The following OR6B3 variants were observed in gnomAD, a reference collection of about 807,000 sequenced individuals.
The protein encoded by OR6B3 is olfactory receptor family 6 subfamily B member 3.
For synonymous variants in OR6B3, 148 were observed against 187.8 expected (o/e 0.79, Z 1.73); for missense variants, 315 against 427.4 (o/e 0.74, Z 2.32).
chr2:240,045,331 C>A lies in OR6B3; in HGVS notation c.742G>T (p.Val248Phe), dbSNP rs754264620. The change falls in exon 2 of 2, where the codon GTC becomes TTC. Residue 248 changes from valine (V) to phenylalanine (F), a missense_variant. Val to Phe is a conservative substitution (Grantham distance 50, BLOSUM62 -1). Coordinates refer to ENST00000641019, the Ensembl canonical transcript of OR6B3. Reference sequence around the variant, plus strand: ...AGCAAGGCTGTATAGAAGACGGTGACCACGGTGAGGTGAGAGGCGCAGGTG... The same window carrying A: ...AGCAAGGCTGTATAGAAGACGGTGAACACGGTGAGGTGAGAGGCGCAGGTG... 10 of 1,614,080 alleles carry A rather than the reference C, an allele frequency of 6.2e-6. No individual in the cohort carries two copies. Among genetic ancestry groups the A allele is most frequent in the South Asian group, 2.2e-5 (2 of 91,082 alleles).
At chr2:240,051,450 A>G (rs1157758427), upstream of OR6B3, among the ~76,000 whole-genome samples, 1 of 152,234 alleles carries the variant, frequency 6.6e-6, no homozygotes, top group Non-Finnish European at 1.5e-5. Context: ...AGGCCCAGAT[A>G]CTTTGCCTGT....
chr2:240,053,230 T>C, the OR6B3 span, among the ~76,000 whole-genome samples: 2 of 152,224 alleles, frequency 1.3e-5, no homozygotes, highest in Non-Finnish European at 2.9e-5. The surrounding 1 kb of genome is among the most constrained non-coding windows in gnomAD (Gnocchi z 4.1). Flanking sequence ...TCCTGCACGT[T>C]TCAGAAGGAC....
At chr2:240,050,821 A>C (rs937762073), upstream of OR6B3, among the ~76,000 whole-genome samples, 4 of 152,232 alleles carry the variant, frequency 2.6e-5, no homozygotes, top group East Asian at 7.7e-4. Context: ...TCAAAGGTAA[A>C]AACAAATTAG....
At chr2:240,048,599 A>G (rs576218517), upstream of OR6B3, among the ~76,000 whole-genome samples, 1 of 152,268 alleles carries the variant, frequency 6.6e-6, no homozygotes, top group South Asian at 2.1e-4. Context: ...CCAAGGCACC[A>G]AGAGCACTTC....
upstream of OR6B3, among the ~76,000 whole-genome samples, chr2:240,051,192 G>A (rs1698251990): frequency 6.6e-6 from 1 of 152,176 alleles, no homozygotes; most frequent in South Asian, 2.1e-4. Context: ...TGCAGGTGGA[G>A]ACCCACCAAA....
At chr2:240,045,855 T>C (rs1698179999) in exon 2 of OR6B3, 3 of 1,612,526 alleles carry the variant, frequency 1.9e-6, no homozygotes, top group African/African-American at 1.3e-5. Flanking sequence ...GTCAGACACG[T>C]ACCAGATCTC....
chr2:240,047,046 C>T (rs1698201803), upstream of OR6B3: 1 of 152,122 alleles, frequency 6.6e-6, no homozygotes, highest in South Asian at 2.1e-4. Context: ...AGCAGTGAAC[C>T]CATGTGGACA....
chr2:240,048,468 G>A (rs893203286), upstream of OR6B3, among the ~76,000 whole-genome samples: 21 of 152,260 alleles, frequency 1.4e-4, no homozygotes, highest in African/African-American at 2.9e-4. Context: ...GGCTGGGTAC[G>A]AGCCGGCTGC....
exon 2 of OR6B3, chr2:240,045,572 C>T (rs373542634): frequency 3.0e-5 from 47 of 1,551,444 alleles, no homozygotes; most frequent in Non-Finnish European, 3.6e-5. Flanking sequence ...AGCCACAGAA[C>T]GTGACGCTGG....
chr2:240,045,529 A>C (rs776034873), exon 2 of OR6B3: 16 of 1,600,114 alleles, frequency 1.0e-5, no homozygotes, highest in Middle Eastern at 3.3e-4. Flanking sequence ...AGGATGGGGG[A>C]AATGTCACAG....
At chr2:240,051,189 G>A (rs142190253), upstream of OR6B3, among the ~76,000 whole-genome samples, 2 of 152,286 alleles carry the variant, frequency 1.3e-5, no homozygotes, top group East Asian at 1.9e-4. Context: ...AACTGCAGGT[G>A]GAGACCCACC....
upstream of OR6B3, among the ~76,000 whole-genome samples, chr2:240,050,327 T>C (rs1698240006): frequency 6.6e-6 from 1 of 152,222 alleles, no homozygotes; most frequent in Non-Finnish European, 1.5e-5. Flanking sequence ...AAGTAAAATT[T>C]CAGACCCCAA....
upstream of OR6B3, among the ~76,000 whole-genome samples, chr2:240,049,746 G>A (rs142115934): frequency 6.0e-4 from 92 of 152,178 alleles, 1 homozygote; most frequent in African/African-American, 2.0e-3. Flanking sequence ...CTTAAATACA[G>A]TTAAAGCCAG....
chr2:240,048,572 G>A (rs4853972), upstream of OR6B3, among the ~76,000 whole-genome samples: 6,497 of 152,210 alleles, frequency 0.043, 241 homozygotes, highest in South Asian at 0.12. Context: ...CAGGAGCTAT[G>A]CCTCTCTCAC....
chr2:240,052,157 A>G, the OR6B3 span, among the ~76,000 whole-genome samples: 2 of 152,266 alleles, frequency 1.3e-5, no homozygotes, highest in African/African-American at 4.8e-5. This position sits in a 1 kb window ranked among gnomAD's most constrained non-coding sequence, Gnocchi z 4.5. Flanking sequence ...ATGACTAATT[A>G]GAATATTCTT....
upstream of OR6B3, among the ~76,000 whole-genome samples, chr2:240,049,399 G>T (rs968722357): frequency 6.6e-6 from 1 of 152,212 alleles, no homozygotes; most frequent in Admixed American, 6.5e-5. Flanking sequence ...TATGAAACTC[G>T]AATGTTGTGT....
intron 1 of OR6B3, among the ~76,000 whole-genome samples, chr2:240,046,330 C>T (rs1388498069): frequency 1.3e-5 from 2 of 152,122 alleles, no homozygotes; most frequent in Non-Finnish European, 2.9e-5. Flanking sequence ...CCCTCCTGAG[C>T]CTGTCACCAC....
downstream of OR6B3, among the ~76,000 whole-genome samples, chr2:240,044,759 T>C (rs1234322331): frequency 2.0e-5 from 3 of 152,256 alleles, no homozygotes; most frequent in Non-Finnish European, 4.4e-5. Flanking sequence ...GGAGCTCATT[T>C]TGCCACATGG....
intron 1 of OR6B3, among the ~76,000 whole-genome samples, chr2:240,046,404 C>T (rs931781025): frequency 6.6e-6 from 1 of 152,182 alleles, no homozygotes; most frequent in Admixed American, 6.5e-5. Context: ...CCAAGGGACC[C>T]AATAACCATG....
Sources: allele counts gnomAD v4.1 joint callset (sites outside exome capture counted in the v4.1 genomes callset), GRCh38; gene constraint gnomAD v4.1.1; non-coding constraint Gnocchi (gnomAD v3.1); transcripts MANE v1.5; gene names NCBI Gene and HGNC (gene_info 2026-07-23, HGNC 2026-07-21).